The following TRPM3 variants were observed in gnomAD, a reference collection of about 807,000 sequenced individuals.
The protein encoded by TRPM3 is long transient receptor potential channel 3.
In TRPM3, 77 loss-of-function variants were observed where a neutral mutation model predicts 181.2. The ratio of observed to expected loss-of-function variants is 0.42; its 90% confidence interval spans 0.35 to 0.51. The LOEUF is 0.51. Among genes scored for constraint, TRPM3 ranks in the 20% least tolerant of loss-of-function variants. The pLI, the probability that TRPM3 is intolerant of heterozygous loss-of-function variation, is 0.01. For synonymous variants in TRPM3, 745 were observed against 796.4 expected, an observed-to-expected ratio of 0.94 and a Z score of 1.09; for missense variants, 1,759 against 2,196.7, an observed-to-expected ratio of 0.80 and a Z score of 3.98.
chr9:70,830,877 G>T (rs1393414143), intron 5 of TRPM3, among the ~76,000 whole-genome samples: 1 of 152,044 alleles, frequency 6.6e-6, no homozygotes, highest in African/African-American at 2.4e-5. Context: ...TCCTTCTCCG[G>T]CTCTGCTCTA....
intron 1 of TRPM3, among the ~76,000 whole-genome samples, chr9:70,946,904 G>A (rs1448800585): frequency 2.0e-5 from 3 of 152,068 alleles, no homozygotes; most frequent in Non-Finnish European, 4.4e-5. Context: ...GTTGCTGTAT[G>A]GTATACAGTG....
At chr9:70,747,802 GA>G (rs1195753470) in intron 8 of TRPM3, among the ~76,000 whole-genome samples, 2 of 151,986 alleles carry the variant, frequency 1.3e-5, no homozygotes, top group Non-Finnish European at 2.9e-5. Context: ...TTGTTAGGGG[GA>G]TATTGGACTA....
chr9:70,981,283 G>T (rs572248786), intron 1 of TRPM3, among the ~76,000 whole-genome samples: 1 of 152,116 alleles, frequency 6.6e-6, no homozygotes, highest in African/African-American at 2.4e-5. Flanking sequence ...TAGAGTAAAA[G>T]CATCATTAGT....
intron 5 of TRPM3, among the ~76,000 whole-genome samples, chr9:70,833,273 C>T (rs1456046632): frequency 2.0e-5 from 3 of 152,178 alleles, no homozygotes; most frequent in Non-Finnish European, 2.9e-5. Flanking sequence ...CTTTTCCAAA[C>T]AGAATTGAAT....
intron 9 of TRPM3, among the ~76,000 whole-genome samples, chr9:70,641,200 A>G (rs924233282): frequency 6.6e-6 from 1 of 152,194 alleles, no homozygotes; most frequent in African/African-American, 2.4e-5. Context: ...CAGCTGCAGC[A>G]GTGCCACCCT....
chr9:70,751,890 T>C (rs2076189434), intron 8 of TRPM3, among the ~76,000 whole-genome samples: 1 of 151,982 alleles, frequency 6.6e-6, no homozygotes, highest in Non-Finnish European at 1.5e-5. Flanking sequence ...GAGAAGAAAG[T>C]AGAGGAGCTT....
chr9:71,342,030 T>C (rs1216958536), intron 1 of TRPM3, among the ~76,000 whole-genome samples: 1 of 151,740 alleles, frequency 6.6e-6, no homozygotes, highest in Admixed American at 6.6e-5. Context: ...ATGGTCCTTA[T>C]GCAGACGAAA....
chr9:71,068,122 C>G (rs2062179745), intron 1 of TRPM3, among the ~76,000 whole-genome samples: 1 of 152,180 alleles, frequency 6.6e-6, no homozygotes, highest in Non-Finnish European at 1.5e-5. Flanking sequence ...TGGCCCCATT[C>G]TTATGATTCC....
At chr9:71,060,214 C>A (rs2061155697) in intron 1 of TRPM3, among the ~76,000 whole-genome samples, 1 of 152,042 alleles carries the variant, frequency 6.6e-6, no homozygotes, top group South Asian at 2.1e-4. Context: ...GACCAGCTTT[C>A]TACCATAACT....
rs529044876 is a variant in TRPM3 at position 70,848,834 on chromosome 9, G to A, written c.463-2243C>T. Among the ~76,000 whole-genome samples, 434 of 87,176 alleles carry A rather than the reference G, an allele frequency of 5.0e-3. 143 individuals carry two copies. Among genetic ancestry groups the A allele is most frequent in the Middle Eastern group, 0.031 (6 of 192 alleles). The allele number at this position is 87,176 out of a possible 152,430, so 57.2% of individuals were successfully genotyped here. On this transcript the variant is annotated intron_variant, in intron 3 of 25. Transcript: ENST00000677713. ...CTACTAAAAATACAAAAAATTAGCC[G>A]GGCGTGGTAGCGGGCGCCTGTAGTC...
chr9:71,050,151 T>C (rs78981398), intron 1 of TRPM3, among the ~76,000 whole-genome samples: 1,962 of 152,300 alleles, frequency 0.013, 32 homozygotes, highest in African/African-American at 0.045. Context: ...ATCATGCACA[T>C]AGCAGGAATC....
At chr9:71,313,057 G>A (rs2132412826) in intron 1 of TRPM3, among the ~76,000 whole-genome samples, 1 of 152,244 alleles carries the variant, frequency 6.6e-6, no homozygotes, top group African/African-American at 2.4e-5. Flanking sequence ...ATAATGATGT[G>A]TCAATATAAA....
At chr9:70,739,581 C>T (rs1313372082) in intron 8 of TRPM3, among the ~76,000 whole-genome samples, 2 of 151,794 alleles carry the variant, frequency 1.3e-5, no homozygotes, top group African/African-American at 4.8e-5. Context: ...ACAAGGATGC[C>T]CACTTTTTTA....
chr9:71,054,676 C>T (rs1208281524), intron 1 of TRPM3, among the ~76,000 whole-genome samples: 2 of 152,010 alleles, frequency 1.3e-5, no homozygotes, highest in Non-Finnish European at 2.9e-5. Context: ...GTTGGCATCC[C>T]CATGGTTCTA....
chr9:71,263,515 T>C (rs2083196666), intron 1 of TRPM3, among the ~76,000 whole-genome samples: 1 of 152,170 alleles, frequency 6.6e-6, no homozygotes, highest in Non-Finnish European at 1.5e-5. Flanking sequence ...TTATTACAGA[T>C]CTCCATGGAG....
chr9:70,897,565 G>C (rs2096296423), intron 1 of TRPM3, among the ~76,000 whole-genome samples: 1 of 152,052 alleles, frequency 6.6e-6, no homozygotes, highest in Non-Finnish European at 1.5e-5. Flanking sequence ...AGTTGTAACA[G>C]CCCGCAAGGT....
At chr9:71,262,370 C>A (rs1243646259) in intron 1 of TRPM3, among the ~76,000 whole-genome samples, 1 of 152,174 alleles carries the variant, frequency 6.6e-6, no homozygotes, top group Non-Finnish European at 1.5e-5. Flanking sequence ...CTCCCCCAAC[C>A]AAGCTCCAGT....
At chr9:70,683,081 A>G (rs2065866350) in intron 8 of TRPM3, among the ~76,000 whole-genome samples, 2 of 152,214 alleles carry the variant, frequency 1.3e-5, no homozygotes, top group Admixed American at 6.5e-5. Context: ...CACCTTTATA[A>G]CTTGGGAAAA....
chr9:70,938,727 T>C (rs1300013677), intron 1 of TRPM3, among the ~76,000 whole-genome samples: 3 of 151,806 alleles, frequency 2.0e-5, no homozygotes, highest in Non-Finnish European at 4.4e-5. Flanking sequence ...CCGAGGTGGG[T>C]GGATCACGAG....
Sources: gnomAD v4.1 joint callset for allele counts (sites outside exome capture counted in the v4.1 genomes callset) on GRCh38, gnomAD v4.1.1 for gene constraint, MANE v1.5 for transcripts, NCBI Gene and HGNC (gene_info 2026-07-23, HGNC 2026-07-21) for gene names.